CCDC171: variants seen among roughly 807,000 people sequenced by gnomAD.
CCDC171 encodes the protein coiled-coil domain-containing protein 171.
Under a neutral mutation model 168.2 loss-of-function variants are expected in CCDC171, and 177 were observed. The ratio of observed to expected loss-of-function variants is 1.05; its 90% CI spans 0.93 to 1.19. The LOEUF is 1.19. Ranked by LOEUF, CCDC171 falls within the 50% of genes most tolerant of loss-of-function variation. CCDC171 has a pLI of 0.00. For synonymous variants in CCDC171, 687 were observed against 540.8 expected (o/e 1.27, Z -3.75); for missense variants, 1,991 against 1,539.0 (o/e 1.29, Z -4.91).
At chr9:15,630,878 T>A (rs893625551) in intron 7 of CCDC171, among the ~76,000 whole-genome samples, 3 of 152,116 alleles carry the variant, frequency 2.0e-5, no homozygotes, top group Non-Finnish European at 4.4e-5. Context: ...CACTCAAAAC[T>A]GCTCAACTAC....
At chr9:15,723,005 C>G (rs894846563) in intron 12 of CCDC171, among the ~76,000 whole-genome samples, 4 of 152,140 alleles carry the variant, frequency 2.6e-5, no homozygotes, top group African/African-American at 9.7e-5. Context: ...ATCCTCAGCA[C>G]AGTTGAAAAG....
chr9:16,031,610 C>T (rs549860788), intron 6 of CCDC171, among the ~76,000 whole-genome samples: 2 of 152,274 alleles, frequency 1.3e-5, no homozygotes, highest in African/African-American at 4.8e-5. Context: ...TTAGGGAAAT[C>T]GAATGGCCAG....
chr9:15,741,909 A>G (rs1010516336), intron 16 of CCDC171, among the ~76,000 whole-genome samples: 4 of 152,202 alleles, frequency 2.6e-5, no homozygotes, highest in Admixed American at 2.0e-4. Flanking sequence ...ACTTTAGGAT[A>G]CAGTGTCTCT....
At chr9:16,066,998 A>G in the CCDC171 span, among the ~76,000 whole-genome samples, 12 of 151,980 alleles carry the variant, frequency 7.9e-5, no homozygotes, top group East Asian at 3.9e-4. Flanking sequence ...GGCTGGGTCA[A>G]ATGGTATTTC....
At chr9:15,868,334 A>C (rs2061877402) in intron 23 of CCDC171, among the ~76,000 whole-genome samples, 1 of 152,010 alleles carries the variant, frequency 6.6e-6, no homozygotes, top group African/African-American at 2.4e-5. Context: ...GTCTCTTTCC[A>C]GTAGGTGTGG....
chr9:16,064,248 T>C (rs1255983384), downstream of CCDC171, among the ~76,000 whole-genome samples: 2 of 152,216 alleles, frequency 1.3e-5, no homozygotes, highest in Non-Finnish European at 2.9e-5. Context: ...GAGGCCGTTT[T>C]TTCCCCCTGA....
At chr9:15,897,633 G>T (rs1821085326) in intron 24 of CCDC171, among the ~76,000 whole-genome samples, 1 of 152,020 alleles carries the variant, frequency 6.6e-6, no homozygotes, top group Non-Finnish European at 1.5e-5. Context: ...TGAAAATCCT[G>T]GTGTCATAGC....
chr9:15,586,836 A>G (rs979833757), intron 4 of CCDC171, among the ~76,000 whole-genome samples: 14 of 152,140 alleles, frequency 9.2e-5, no homozygotes, highest in South Asian at 4.2e-4. Context: ...GAGACAGAGT[A>G]TCACTTTGTT....
At chr9:16,027,973 G>A (rs551862425) in intron 6 of CCDC171, among the ~76,000 whole-genome samples, 1 of 152,138 alleles carries the variant, frequency 6.6e-6, no homozygotes, top group Admixed American at 6.6e-5. Flanking sequence ...CTAGGTGTAA[G>A]GGGTTCTGGG....
chr9:15,708,003 A>G (rs1410608707), intron 11 of CCDC171, among the ~76,000 whole-genome samples: 2 of 152,112 alleles, frequency 1.3e-5, no homozygotes, highest in African/African-American at 4.8e-5. Flanking sequence ...ATCCAGCACT[A>G]CGCCTGGCTA....
In CCDC171 at chr9:15,850,446, A is replaced by G. The variant is rs371776856; in HGVS notation, c.3468+1499A>G. On this transcript the variant is annotated intron_variant, in intron 23 of 25. Transcript: ENST00000380701. ...TAGTTCATCTTTTGATTTTTGTGTC[A>G]TATGGAAAGAAAGCTGTCTGTAAAT... 5 of 151,978 alleles carry G rather than the reference A, an allele frequency of 3.3e-5. No homozygotes were observed. In the East Asian group the frequency reaches 5.8e-4, roughly 18 times the overall value. 9.4% of individuals were successfully genotyped at this position (151,978 alleles called of 1,614,324 possible). A position where few individuals can be genotyped will look rare whatever the true frequency, so the allele number is the denominator to read the frequency against.
chr9:16,019,909 T>C (rs1049845780), intron 3 of CCDC171, among the ~76,000 whole-genome samples: 1 of 152,154 alleles, frequency 6.6e-6, no homozygotes, highest in African/African-American at 2.4e-5. Context: ...GCACTGAAAA[T>C]TCTCTTTTAA....
intron 11 of CCDC171, among the ~76,000 whole-genome samples, chr9:15,706,244 G>GCTTCCTTCCTTC (rs535186319): frequency 2.6e-5 from 2 of 77,102 alleles, no homozygotes; most frequent in Non-Finnish European, 5.6e-5. Flanking sequence ...TTCCTTCCTT[G>GCTTCCTTCCTTC]CTTCCTTCCT....
At chr9:15,562,090 G>A (rs1157908895) in intron 1 of CCDC171, among the ~76,000 whole-genome samples, 2 of 152,048 alleles carry the variant, frequency 1.3e-5, no homozygotes, top group Admixed American at 1.3e-4. Flanking sequence ...CACCTCCTGG[G>A]TTCAAGCGAT....
At chr9:15,747,129 A>G (rs1588269889) in intron 18 of CCDC171, among the ~76,000 whole-genome samples, 1 of 152,132 alleles carries the variant, frequency 6.6e-6, no homozygotes. Context: ...CACAGTGTAA[A>G]CCAAGTTGCC....
At chr9:15,554,019 G>C (rs1423485478) in intron 1 of CCDC171, among the ~76,000 whole-genome samples, 1 of 134,306 alleles carries the variant, frequency 7.4e-6, no homozygotes, top group Non-Finnish European at 1.6e-5. Context: ...ATACGATTTT[G>C]TCACTTTTTT....
At chr9:15,722,086 A>G (rs946341254) in intron 12 of CCDC171, among the ~76,000 whole-genome samples, 2 of 152,206 alleles carry the variant, frequency 1.3e-5, no homozygotes, top group Non-Finnish European at 2.9e-5. Flanking sequence ...CAGTCACACT[A>G]TTATTTTCAA....
chr9:15,786,507 A>G lies in CCDC171; in HGVS notation c.3267+1813A>G, dbSNP rs115331827. 9.6e-3 allele frequency among the ~76,000 whole-genome samples: 1,468 copies of G among 152,256 alleles called. 27 individuals carry two copies. Among genetic ancestry groups the G allele is most frequent in the African/African-American group, 0.034 (1,403 of 41,544 alleles). On this transcript the variant is annotated intron_variant, in intron 21 of 25. Coordinates refer to ENST00000380701, the MANE Select transcript of CCDC171 (RefSeq NM_173550.4). ...TATAGGTTAATAAAAATACAATCAT[A>G]CTATTATACATATTGTTTTTTACTT... is the stretch of plus-strand genomic sequence containing the variant.
At chr9:16,089,759 A>G in the CCDC171 span, among the ~76,000 whole-genome samples, 1 of 152,202 alleles carries the variant, frequency 6.6e-6, no homozygotes, top group Non-Finnish European at 1.5e-5. Flanking sequence ...CCCATCAAAA[A>G]ATGGGCAAAG....
Sources: gnomAD v4.1 joint callset for allele counts (sites outside exome capture counted in the v4.1 genomes callset) on GRCh38, gnomAD v4.1.1 for gene constraint, MANE v1.5 for transcripts, NCBI Gene and HGNC (gene_info 2026-07-23, HGNC 2026-07-21) for gene names.